The following MEIS3 variants were observed in gnomAD, a reference collection of about 807,000 sequenced individuals.
The protein encoded by MEIS3 is Meis homeobox 3.
A neutral mutation model predicts 51.4 loss-of-function variants in MEIS3; 38 were observed. That is an observed-to-expected ratio of 0.74 (90% CI 0.57 to 0.97). The LOEUF is 0.97. Ranked by LOEUF, MEIS3 falls within the 50% of genes least tolerant of loss-of-function variation. The pLI is 0.00. For missense variants in MEIS3, 456 were observed against 502.6 expected, an observed-to-expected ratio of 0.91 and a Z score of 0.89; for synonymous variants, 198 against 201.8, an observed-to-expected ratio of 0.98 and a Z score of 0.16.
chr19:47,412,815 A>C (rs1599815428), intron 6 of MEIS3, among the ~76,000 whole-genome samples: 1 of 150,548 alleles, frequency 6.6e-6, no homozygotes, highest in South Asian at 2.1e-4. Flanking sequence ...TGATCTGCCC[A>C]CCTCAGCCTC....
intron 1 of MEIS3, chr19:47,418,836 A>T: frequency 5.4e-6 from 2 of 372,454 alleles, no homozygotes. Flanking sequence ...GGCAGGGAGA[A>T]GGAGAAGCTA....
At chr19:47,420,629 A>G (rs750690470), upstream of MEIS3, among the ~76,000 whole-genome samples, 1 of 147,584 alleles carries the variant, frequency 6.8e-6, no homozygotes, top group East Asian at 1.9e-4. Flanking sequence ...AGGAGCTCCA[A>G]TAGAGACCCT....
At position 47,419,187 on chromosome 19, in the gene MEIS3, G is replaced by T; in HGVS notation, c.-106C>A. The T allele has an allele frequency of 1.2e-6, 1 of 857,606 alleles. No individual in the cohort carries two copies. The allele number at this position is 857,606 out of a possible 1,614,324, so 53.1% of individuals were successfully genotyped here. On this transcript the variant is annotated 5_prime_UTR_variant, in exon 1 of 13. Coordinates refer to ENST00000558555, the MANE Select transcript of MEIS3 (RefSeq NM_001301059.2). ...ACGGCCCGCGGTGTTGACGCCAGGG[G>T]GTGGGCAGGAGGCCAGGCGCGCGCC...
chr19:47,406,926 T>A lies in MEIS3; in HGVS notation c.1040A>T (p.Tyr347Phe). Residue 347 changes from tyrosine (Y) to phenylalanine (F), a missense_variant, in exon 11 of 13, where the codon TAT becomes TTT. Physicochemically the swap from Tyr to Phe is conservative, Grantham distance 22. Coordinates refer to ENST00000558555, the MANE Select transcript of MEIS3 (RefSeq NM_001301059.2). ...GGCCACGTGTGGCTGCGTCTCGGTA[T>A]AGCCCCCGATGGGCTGGCCCTCTGG... The part of the protein sequence containing the change: ...FSPEGQPIGG[Y>F]TETQPHVAVR... 1 of 1,579,670 alleles carries A rather than the reference T, an allele frequency of 6.3e-7. No homozygotes were observed.
rs200238695 is a variant in MEIS3 at position 47,416,643 on chromosome 19, G to A, written c.396+9C>T. 186 of 1,523,120 alleles carry A rather than the reference G, an allele frequency of 1.2e-4. 1 individual carries two copies. Among genetic ancestry groups the A allele is most frequent in the Non-Finnish European group, 1.5e-4 (171 of 1,130,882 alleles). The allele number at this position is 1,523,120 out of a possible 1,614,324, so 94.4% of individuals were successfully genotyped here. ...GAGGAGGGGGTGTGGGGGAGGGCTC[G>A]GGTCTCACCAGATTGTCCAGTTCTG... On this transcript the variant is annotated intron_variant, in intron 4 of 12. Coordinates refer to ENST00000558555, the MANE Select transcript of MEIS3 (RefSeq NM_001301059.2).
intron 6 of MEIS3, 116 bp downstream of exon 6, chr19:47,414,601 T>C (rs1313219584): frequency 1.6e-6 from 2 of 1,252,606 alleles, no homozygotes; most frequent in Admixed American, 4.5e-5. Context: ...ATGCGTGCCC[T>C]GTGATCAGGC....
At chr19:47,421,644 G>A (rs1568434747), upstream of MEIS3, among the ~76,000 whole-genome samples, 1 of 151,838 alleles carries the variant, frequency 6.6e-6, no homozygotes, top group African/African-American at 2.4e-5. Flanking sequence ...GAGGGTGGGG[G>A]AAGAAGGGAC....
intron 6 of MEIS3, among the ~76,000 whole-genome samples, chr19:47,410,724 C>G (rs1290728016): frequency 6.6e-6 from 1 of 152,042 alleles, no homozygotes; most frequent in African/African-American, 2.4e-5. Context: ...CGAGATCACA[C>G]CAATGCACTC....
Position 47,407,367 on chromosome 19 carries a change from A to T in MEIS3, c.920T>A (p.Leu307Gln), listed in dbSNP as rs1385396308. Reference sequence around the variant, plus strand: ...GGCCACTCACCAGTTGTTGACTTGCAGGATGGTGAGCCCCGTGTCCTGCGC... The same window carrying T: ...GGCCACTCACCAGTTGTTGACTTGCTGGATGGTGAGCCCCGTGTCCTGCGC... ...QLAQDTGLTI[L>Q]QVNNWFINAR... Residue 307 changes from leucine (L) to glutamine (Q), a missense_variant, in exon 9 of 13, where the codon CTG becomes CAG. Transcript: ENST00000558555. 1.9e-6 allele frequency: 3 copies of T among 1,613,176 alleles called. No individual in the cohort carries two copies. Among genetic ancestry groups the T allele is most frequent in the Non-Finnish European group, 2.5e-6 (3 of 1,179,718 alleles).
In MEIS3 at chr19:47,407,449, C is replaced by T. The variant is rs988652786; in HGVS notation, c.859-21G>A. On this transcript the variant is annotated intron_variant, in intron 8 of 12. Transcript: ENST00000558555. ...GGGTGCTGCAGCCACCAGCAAGAGTCACTCTGCCTGCCTGGCCGGCCGCAG... is the reference window on the plus strand; with the variant it reads ...GGGTGCTGCAGCCACCAGCAAGAGTTACTCTGCCTGCCTGGCCGGCCGCAG... 3 of 1,613,736 alleles carry T rather than the reference C, an allele frequency of 1.9e-6. No homozygotes were observed. The Admixed American group carries it at 5.0e-5, about 27-fold the overall frequency.
At chr19:47,416,631 G>T (rs546235305) in intron 4 of MEIS3, 21 bp downstream of exon 4, 2 of 1,507,138 alleles carry the variant, frequency 1.3e-6, no homozygotes, top group Non-Finnish European at 1.8e-6. Context: ...GAGGGGGTGT[G>T]GGGGAGGGCT....
At chr19:47,420,064 G>T (rs937790370), upstream of MEIS3, among the ~76,000 whole-genome samples, 3 of 152,210 alleles carry the variant, frequency 2.0e-5, no homozygotes, top group African/African-American at 7.2e-5. Context: ...GAGTCTGGGG[G>T]TCCCCATGCC....
At chr19:47,420,578 AGACAGAGT>A (rs1371485036), upstream of MEIS3, among the ~76,000 whole-genome samples, 4 of 94,432 alleles carry the variant, frequency 4.2e-5, no homozygotes, top group African/African-American at 1.2e-4. Flanking sequence ...AGAGAGGTGC[AGACAGAGT>A]GAGACAGACA....
intron 12 of MEIS3, among the ~76,000 whole-genome samples, chr19:47,404,117 T>G (rs1970711660): frequency 6.6e-6 from 1 of 152,000 alleles, no homozygotes; most frequent in African/African-American, 2.4e-5. Flanking sequence ...GGCCAGAGGA[T>G]CGCTTAACCT....
upstream of MEIS3, among the ~76,000 whole-genome samples, chr19:47,420,790 G>A (rs973216670): frequency 1.3e-5 from 2 of 151,540 alleles, no homozygotes; most frequent in East Asian, 1.9e-4. Flanking sequence ...GGATGCCGGC[G>A]GGGGACGGAG....
chr19:47,417,266 C>G lies in MEIS3; in HGVS notation c.97G>C (p.Gly33Arg), dbSNP rs906170659. Reference protein sequence around the residue: ...SFPETVPAVPGPYGPHRPPQP... With the variant: ...SFPETVPAVPRPYGPHRPPQP... ...GGAGGCCGGTGCGGGCCATAGGGCC[C>G]TGGTACTGCGGGCACTGTCTCTGGG... Residue 33 changes from glycine (G) to arginine (R), a missense_variant, in exon 2 of 13, where the codon GGG becomes CGG. Coordinates refer to ENST00000558555, the MANE Select transcript of MEIS3 (RefSeq NM_001301059.2). The G allele has an allele frequency of 6.2e-7, 1 of 1,612,860 alleles. No homozygotes were observed. The highest frequency in any genetic ancestry group is 1.7e-5 in the Admixed American group (1 of 59,834).
At chr19:47,406,761 C>T (rs1382918083) in intron 11 of MEIS3, 127 bp downstream of exon 11, 22 of 961,870 alleles carry the variant, frequency 2.3e-5, no homozygotes, top group Non-Finnish European at 3.3e-5. Context: ...GCCTTGGCAT[C>T]ACCTGCTTCT....
intron 8 of MEIS3, chr19:47,407,706 T>G: frequency 1.2e-3 from 475 of 404,352 alleles, no homozygotes; most frequent in East Asian, 2.0e-3. Flanking sequence ...GGGGCTCCTG[T>G]GGCGTGGGGG....
intron 11 of MEIS3, among the ~76,000 whole-genome samples, 168 bp downstream of exon 11, chr19:47,406,720 T>A (rs1192768437): frequency 6.6e-6 from 1 of 152,194 alleles, no homozygotes; most frequent in African/African-American, 2.4e-5. Context: ...GAAATGAGGT[T>A]GTAAGGAAAA....
Sources: gnomAD v4.1 joint callset for allele counts (sites outside exome capture counted in the v4.1 genomes callset) on GRCh38, gnomAD v4.1.1 for gene constraint, MANE v1.5 for transcripts, NCBI Gene and HGNC (gene_info 2026-07-23, HGNC 2026-07-21) for gene names.